Variants in LRRC1 observed in about 807,000 individuals in gnomAD.
LRRC1 encodes leucine rich repeat containing 1.
LRRC1 carries 28 observed loss-of-function variants against 69.9 expected under a neutral mutation model. The observed-to-expected ratio is 0.40, with a 90% CI of 0.30 to 0.55. The LOEUF is 0.55. LRRC1 is among the 20% of genes least tolerant of loss of function. The pLI is 0.47. For synonymous variants in LRRC1, 236 were observed against 240.2 expected (o/e 0.98, Z 0.16); for missense variants, 498 against 609.0 (o/e 0.82, Z 1.92).
Position 53,879,036 on chromosome 6 carries a change from G to T in LRRC1, c.321G>T (p.Leu107=). 2 of 1,613,390 alleles carry T rather than the reference G, an allele frequency of 1.2e-6. No individual in the cohort carries two copies. Among genetic ancestry groups the T allele is most frequent in the Non-Finnish European group, 1.7e-6 (2 of 1,179,696 alleles). The stretch of plus-strand genomic sequence containing the variant: ...AAAGCATTTCATTCTGTAAAGCACT[G>T]CAGGTAGCTGACTTCAGCGGAAACC... ...IPESISFCKA[L]QVADFSGNPL... Residue 107 remains leucine (L), a synonymous_variant, in exon 3 of 14, where the codon CTG becomes CTT. Coordinates refer to ENST00000370888, the MANE Select transcript of LRRC1 (RefSeq NM_018214.5).
At chr6:53,842,856 T>C (rs777706879) in intron 2 of LRRC1, among the ~76,000 whole-genome samples, 20 of 152,216 alleles carry the variant, frequency 1.3e-4, no homozygotes, top group Non-Finnish European at 2.1e-4. Context: ...TATTTGTGAG[T>C]TTATTTTGAT....
Position 53,795,225 on chromosome 6 carries a change from C to G in LRRC1, c.-32C>G, listed in dbSNP as rs748318274. 1.3e-6 allele frequency: 2 copies of G among 1,570,060 alleles called. No homozygotes were observed. Among genetic ancestry groups the G allele is most frequent in the Non-Finnish European group, 1.7e-6 (2 of 1,162,290 alleles). On this transcript the variant is annotated 5_prime_UTR_variant, in exon 1 of 14. Transcript: ENST00000370888. ...GCTCGGAGCCCGGGTCTCCGCCGCT[C>G]GGGACCCGGCTAGGCGGCGGCGGGG... is the stretch of plus-strand genomic sequence containing the variant.
intron 10 of LRRC1, among the ~76,000 whole-genome samples, chr6:53,909,770 T>A: frequency 6.6e-6 from 1 of 152,222 alleles, no homozygotes; most frequent in East Asian, 1.9e-4. Context: ...TTATGCTTCA[T>A]ATTATTTTTG....
At chr6:53,883,350 A>G (rs546655299) in intron 4 of LRRC1, among the ~76,000 whole-genome samples, 5 of 152,342 alleles carry the variant, frequency 3.3e-5, no homozygotes, top group Admixed American at 1.3e-4. Context: ...GAGCCAACAA[A>G]CAACTCCATT....
At position 53,795,054 on chromosome 6, in the gene LRRC1, G is replaced by A. The variant is rs1440490492; in HGVS notation, c.-203G>A. 2.4e-6 allele frequency: 1 copy of A among 419,242 alleles called. No individual in the cohort carries two copies. Among genetic ancestry groups the A allele is most frequent in the Non-Finnish European group, 4.2e-6 (1 of 238,340 alleles). The allele number at this position is 419,242 out of a possible 1,614,324, so 26.0% of individuals were successfully genotyped here. A position where few individuals can be genotyped will look rare whatever the true frequency, so the allele number is the denominator to read the frequency against. On this transcript the variant is annotated 5_prime_UTR_variant, in exon 1 of 14. Coordinates refer to ENST00000370888, the MANE Select transcript of LRRC1 (RefSeq NM_018214.5). ...GTGGAGGCACCGGCTGGCGGGCGGG[G>A]GTACAGGGACGGGGCAGGGGCTCCC...
Position 53,910,475 on chromosome 6 carries a change from C to T in LRRC1, c.991-3379C>T, listed in dbSNP as rs116876456. On this transcript the variant is annotated intron_variant, in intron 10 of 13. Transcript: ENST00000370888. ...AATACAAAATGTCACTGCGATACAT[C>T]GTTAGGGAGATGGGTTTTTTAAGAC... 4.7e-3 allele frequency among the ~76,000 whole-genome samples: 720 copies of T among 152,156 alleles called. 7 individuals carry two copies. The highest frequency in any genetic ancestry group is 0.041 in the East Asian group (211 of 5,168).
At chr6:53,825,441 G>A (rs1468825432) in intron 1 of LRRC1, among the ~76,000 whole-genome samples, 5 of 152,194 alleles carry the variant, frequency 3.3e-5, no homozygotes, top group Non-Finnish European at 5.9e-5. Flanking sequence ...CCTCCCTCTC[G>A]TGTTATACTG....
intron 2 of LRRC1, among the ~76,000 whole-genome samples, chr6:53,862,314 T>C (rs1398759034): frequency 2.0e-5 from 3 of 151,932 alleles, no homozygotes; most frequent in Non-Finnish European, 4.4e-5. Context: ...TGTGTGTGTG[T>C]GTGTGTGTGT....
chr6:53,828,605 T>C (rs1052947160), intron 1 of LRRC1, among the ~76,000 whole-genome samples: 2 of 152,254 alleles, frequency 1.3e-5, no homozygotes, highest in Non-Finnish European at 2.9e-5. Flanking sequence ...TTTAGCTCAC[T>C]TGTTGCTTTG....
rs1322795719 is a variant in LRRC1, at chr6:53,923,481, G to A, written c.*688G>A. On this transcript the variant is annotated 3_prime_UTR_variant, in exon 14 of 14. Transcript: ENST00000370888. ...AATAGGAATGTGGTGTTTTAAAGCA[G>A]TGTTGCATTTTAATCAGTAATCTAC... 3 of 152,602 alleles carry A rather than the reference G, an allele frequency of 2.0e-5. No individual in the cohort carries two copies. Among genetic ancestry groups the A allele is most frequent in the Non-Finnish European group, 4.4e-5 (3 of 68,024 alleles). The allele number at this position is 152,602 out of a possible 1,614,324, so 9.5% of individuals were successfully genotyped here. A position where few individuals can be genotyped will look rare whatever the true frequency, so the allele number is the denominator to read the frequency against.
intron 2 of LRRC1, among the ~76,000 whole-genome samples, chr6:53,844,138 C>T (rs1454002901): frequency 6.6e-6 from 1 of 152,112 alleles, no homozygotes; most frequent in Non-Finnish European, 1.5e-5. Context: ...AGAATTGCCT[C>T]AGAAACTAGC....
intron 1 of LRRC1, among the ~76,000 whole-genome samples, chr6:53,807,783 C>G (rs900732609): frequency 2.0e-5 from 3 of 148,662 alleles, no homozygotes; most frequent in Admixed American, 6.7e-5. Flanking sequence ...AACAACAACA[C>G]CCCCCAAAAC....
chr6:53,906,601 A>G (rs1768245982), intron 10 of LRRC1, among the ~76,000 whole-genome samples: 1 of 152,248 alleles, frequency 6.6e-6, no homozygotes, highest in African/African-American at 2.4e-5. Flanking sequence ...TCACTTTAAA[A>G]GAATGAAACA....
At chr6:53,848,358 G>A (rs548986720) in intron 2 of LRRC1, among the ~76,000 whole-genome samples, 10 of 152,308 alleles carry the variant, frequency 6.6e-5, no homozygotes, top group African/African-American at 2.4e-4. Context: ...TACCTTTAAA[G>A]TAGGGGTGAA....
In LRRC1 at chr6:53,920,764, A is replaced by G; in HGVS notation, c.1416+3A>G. Reference sequence around the variant, plus strand: ...AAGATGAAGAAGACAATGAGACGGTATGGAAATGCAGATTCTTTGCCTCTG... The same window carrying G: ...AAGATGAAGAAGACAATGAGACGGTGTGGAAATGCAGATTCTTTGCCTCTG... On this transcript the variant is annotated splice_donor_region_variant and intron_variant, in intron 13 of 13. Coordinates refer to ENST00000370888, the MANE Select transcript of LRRC1 (RefSeq NM_018214.5). The G allele has an allele frequency of 6.2e-7, 1 of 1,614,160 alleles. No individual in the cohort carries two copies. Among genetic ancestry groups the G allele is most frequent in the Non-Finnish European group, 8.5e-7 (1 of 1,179,978 alleles).
chr6:53,909,822 T>C (rs1768355365), intron 10 of LRRC1, among the ~76,000 whole-genome samples: 1 of 152,230 alleles, frequency 6.6e-6, no homozygotes, highest in Non-Finnish European at 1.5e-5. Flanking sequence ...TTGTACACTT[T>C]TCTTTTTTTG....
intron 1 of LRRC1, among the ~76,000 whole-genome samples, chr6:53,835,839 A>G (rs1765598514): frequency 6.6e-6 from 1 of 152,168 alleles, no homozygotes; most frequent in Non-Finnish European, 1.5e-5. Context: ...TTTCTACCTC[A>G]TTTAATCTAC....
intron 1 of LRRC1, among the ~76,000 whole-genome samples, chr6:53,814,446 C>A (rs1004903879): frequency 6.6e-6 from 1 of 152,132 alleles, no homozygotes; most frequent in Non-Finnish European, 1.5e-5. Context: ...GTTTGCAAAT[C>A]TTTGTTTCTT....
At chr6:53,797,943 C>G (rs1043639268) in intron 1 of LRRC1, among the ~76,000 whole-genome samples, 16 of 152,150 alleles carry the variant, frequency 1.1e-4, no homozygotes, top group Non-Finnish European at 1.9e-4. Context: ...CTTCTCACAC[C>G]CATCAAATCT....
Sources: gnomAD v4.1 joint callset for allele counts (sites outside exome capture counted in the v4.1 genomes callset) on GRCh38, gnomAD v4.1.1 for gene constraint, MANE v1.5 for transcripts, NCBI Gene and HGNC (gene_info 2026-07-23, HGNC 2026-07-21) for gene names.